The following GPHN variants were observed in gnomAD, a reference collection of about 807,000 sequenced individuals.
GPHN encodes the protein gephyrin.
GPHN carries 17 observed loss-of-function variants against 95.5 expected under a neutral mutation model. That is an observed-to-expected ratio of 0.18 (90% CI 0.12 to 0.27). The LOEUF (loss-of-function observed/expected upper bound fraction) is 0.27, where lower values mean the gene tolerates loss of function less well. Among genes scored for constraint, GPHN ranks in the 10% least tolerant of loss-of-function variants. The pLI, the probability that GPHN is intolerant of heterozygous loss-of-function variation, is 1.00. For missense variants in GPHN, 660 were observed against 978.1 expected, an observed-to-expected ratio of 0.67 and a Z score of 4.34; for synonymous variants, 320 against 322.5, an observed-to-expected ratio of 0.99 and a Z score of 0.08.
the GPHN span, among the ~76,000 whole-genome samples, chr14:67,398,623 C>T: frequency 6.7e-6 from 1 of 149,038 alleles, no homozygotes; most frequent in African/African-American, 2.4e-5. Flanking sequence ...CACCTGAGAA[C>T]CACCTAAACG....
At chr14:66,884,555 A>G (rs2064091122) in intron 5 of GPHN, among the ~76,000 whole-genome samples, 1 of 148,618 alleles carries the variant, frequency 6.7e-6, no homozygotes, top group African/African-American at 2.6e-5. Context: ...AACCTCCCTA[A>G]ATTTATAATT....
the GPHN span, chr14:67,563,000 T>C: frequency 1.7e-5 from 20 of 1,191,440 alleles, no homozygotes; most frequent in Non-Finnish European, 2.3e-5. Flanking sequence ...GCTGGCATCC[T>C]CATGGTGGCC....
the GPHN span, among the ~76,000 whole-genome samples, chr14:67,416,727 G>A: frequency 6.6e-6 from 1 of 152,208 alleles, no homozygotes; most frequent in Admixed American, 6.5e-5. Context: ...ACCTGCCCTG[G>A]GGCCTCATAT....
chr14:67,625,677 T>C, the GPHN span, among the ~76,000 whole-genome samples: 1 of 72,064 alleles, frequency 1.4e-5, no homozygotes, highest in African/African-American at 8.2e-5. Flanking sequence ...CAAAACTCCA[T>C]CTCAAAAAAA....
At chr14:66,887,696 G>T (rs1431338268) in intron 5 of GPHN, among the ~76,000 whole-genome samples, 1 of 152,112 alleles carries the variant, frequency 6.6e-6, no homozygotes, top group Admixed American at 6.5e-5. Context: ...TATCATGTTT[G>T]GCTATGAAGA....
At chr14:66,892,099 A>G (rs985263598) in intron 5 of GPHN, among the ~76,000 whole-genome samples, 1 of 152,134 alleles carries the variant, frequency 6.6e-6, no homozygotes, top group Non-Finnish European at 1.5e-5. Flanking sequence ...TGACCCAGGA[A>G]CTCCACTTCC....
chr14:66,668,326 T>C (rs1566789484), intron 1 of GPHN, among the ~76,000 whole-genome samples: 1 of 152,168 alleles, frequency 6.6e-6, no homozygotes, highest in Non-Finnish European at 1.5e-5. Flanking sequence ...TAAAGACACA[T>C]GCACCCATAT....
the GPHN span, among the ~76,000 whole-genome samples, chr14:67,700,585 G>A: frequency 6.6e-6 from 1 of 151,618 alleles, no homozygotes. Context: ...CGTGGTGGCG[G>A]GCGCCTGTAG....
chr14:67,115,861 C>G (rs1202790541), intron 16 of GPHN, among the ~76,000 whole-genome samples: 1 of 152,254 alleles, frequency 6.6e-6, no homozygotes, highest in East Asian at 1.9e-4. Context: ...TATGTATACT[C>G]TAAAACTTGC....
At chr14:66,936,221 G>T (rs527448566) in intron 8 of GPHN, among the ~76,000 whole-genome samples, 1 of 151,862 alleles carries the variant, frequency 6.6e-6, no homozygotes, top group South Asian at 2.1e-4. Flanking sequence ...TCTACTAAAA[G>T]TACAAAAATT....
At chr14:67,586,529 C>T in the GPHN span, 2 of 736,800 alleles carry the variant, frequency 2.7e-6, no homozygotes, top group South Asian at 1.4e-5. Context: ...ACAGTGCTCC[C>T]TCTTCCTTGT....
intron 1 of GPHN, among the ~76,000 whole-genome samples, chr14:66,633,453 A>G (rs762804335): frequency 2.6e-5 from 4 of 152,098 alleles, no homozygotes; most frequent in Non-Finnish European, 1.5e-5. Flanking sequence ...ATTTTACTGT[A>G]TACTCTTTCT....
chr14:67,259,929 T>G, the GPHN span, among the ~76,000 whole-genome samples: 5 of 152,022 alleles, frequency 3.3e-5, no homozygotes, highest in Non-Finnish European at 5.9e-5. Flanking sequence ...GTATTTGTCT[T>G]AAGTTTCTTC....
At chr14:67,296,685 T>A in the GPHN span, among the ~76,000 whole-genome samples, 3 of 151,966 alleles carry the variant, frequency 2.0e-5, no homozygotes, top group Non-Finnish European at 4.4e-5. Flanking sequence ...TGGTAAATAT[T>A]TTAAATATTT....
intron 3 of GPHN, among the ~76,000 whole-genome samples, chr14:66,777,938 A>G (rs1384425391): frequency 1.3e-5 from 2 of 151,802 alleles, no homozygotes; most frequent in African/African-American, 2.4e-5. Flanking sequence ...CTCTCTCACC[A>G]CTCCTATTCA....
At chr14:67,583,787 G>C in the GPHN span, 10 of 1,612,580 alleles carry the variant, frequency 6.2e-6, no homozygotes, top group Admixed American at 1.0e-4. Context: ...GGCCCTGGAG[G>C]CACATCCCCT....
At chr14:66,772,206 G>A (rs1007601913) in intron 2 of GPHN, among the ~76,000 whole-genome samples, 2 of 150,876 alleles carry the variant, frequency 1.3e-5, no homozygotes, top group Non-Finnish European at 2.9e-5. Context: ...ATTAATTCCT[G>A]TTAATTCTAA....
intron 10 of GPHN, among the ~76,000 whole-genome samples, chr14:67,041,960 A>G (rs2074728880): frequency 6.6e-6 from 1 of 152,014 alleles, no homozygotes; most frequent in Non-Finnish European, 1.5e-5. Context: ...GCATTTCTCT[A>G]ATGACCAGTG....
chr14:67,627,404 G>A, the GPHN span, among the ~76,000 whole-genome samples: 2 of 151,936 alleles, frequency 1.3e-5, no homozygotes. Flanking sequence ...GAAATATACA[G>A]TAAAGACACA....
Sources: gnomAD v4.1 joint callset for allele counts (sites outside exome capture counted in the v4.1 genomes callset) on GRCh38, gnomAD v4.1.1 for gene constraint, MANE v1.5 for transcripts, NCBI Gene and HGNC (gene_info 2026-07-23, HGNC 2026-07-21) for gene names.